Variants in PCDH15 observed in about 807,000 individuals in gnomAD.
PCDH15 encodes the protein protocadherin-15.
A neutral mutation model predicts 178.5 loss-of-function variants in PCDH15; 129 were observed. The observed-to-expected ratio is 0.72, with a 90% CI of 0.63 to 0.84. The LOEUF is 0.84. PCDH15 is among the 40% of genes least tolerant of loss of function. The pLI is 0.00. For synonymous variants in PCDH15, 800 were observed against 732.0 expected (o/e 1.09, Z -1.50); for missense variants, 2,230 against 2,099.9 (o/e 1.06, Z -1.21).
chr10:55,282,255 A>C (rs1029558678), intron 1 of PCDH15, among the ~76,000 whole-genome samples: 1 of 152,210 alleles, frequency 6.6e-6, no homozygotes, highest in African/African-American at 2.4e-5. Flanking sequence ...CCACACACTA[A>C]GCCTTTGCAT....
At chr10:54,015,556 T>C (rs1243814806) in intron 20 of PCDH15, among the ~76,000 whole-genome samples, 1 of 152,072 alleles carries the variant, frequency 6.6e-6, no homozygotes, top group Non-Finnish European at 1.5e-5. Flanking sequence ...AGCAGACATA[T>C]AGACCAATGG....
chr10:54,984,809 C>T (rs187287760), intron 2 of PCDH15, among the ~76,000 whole-genome samples: 3 of 152,326 alleles, frequency 2.0e-5, no homozygotes, highest in Middle Eastern at 3.4e-3. Flanking sequence ...TGCAGTCCAG[C>T]CTGGGCCACA....
At chr10:55,351,659 G>A (rs866508193) in intron 2 of PCDH15, among the ~76,000 whole-genome samples, 9 of 152,008 alleles carry the variant, frequency 5.9e-5, no homozygotes, top group Non-Finnish European at 8.8e-5. Flanking sequence ...CTCTTTGTCT[G>A]AGAAACTCAT....
At chr10:55,452,069 A>T (rs529872993) in intron 2 of PCDH15, among the ~76,000 whole-genome samples, 1 of 152,170 alleles carries the variant, frequency 6.6e-6, no homozygotes, top group Non-Finnish European at 1.5e-5. Context: ...AGAAATAAAG[A>T]GATATTTTTG....
At chr10:54,452,758 A>C (rs1321595948) in intron 3 of PCDH15, among the ~76,000 whole-genome samples, 1 of 152,106 alleles carries the variant, frequency 6.6e-6, no homozygotes, top group Non-Finnish European at 1.5e-5. Flanking sequence ...TGAATTCTTC[A>C]TGAGTCCATC....
At chr10:54,225,131 A>T (rs907943479) in intron 9 of PCDH15, among the ~76,000 whole-genome samples, 1 of 152,084 alleles carries the variant, frequency 6.6e-6, no homozygotes, top group Admixed American at 6.6e-5. Flanking sequence ...TTCTGATTGT[A>T]TAGTTCAGGT....
At chr10:53,942,258 T>C (rs1485245516) in intron 23 of PCDH15, among the ~76,000 whole-genome samples, 1 of 125,196 alleles carries the variant, frequency 8.0e-6, no homozygotes, top group East Asian at 2.0e-4. Flanking sequence ...AATTTACTAG[T>C]TTATTTACTT....
At chr10:54,539,174 A>T (rs2084915467) in intron 2 of PCDH15, among the ~76,000 whole-genome samples, 1 of 152,064 alleles carries the variant, frequency 6.6e-6, no homozygotes, top group Admixed American at 6.6e-5. Flanking sequence ...CCCTACTTAA[A>T]AGGCACAGAG....
intron 2 of PCDH15, among the ~76,000 whole-genome samples, chr10:55,145,109 A>G (rs1263734496): frequency 6.6e-6 from 1 of 152,022 alleles, no homozygotes; most frequent in African/African-American, 2.4e-5. Context: ...ATTTTAACAC[A>G]TTATTCTTTC....
At chr10:54,623,532 T>C (rs2093453617) in intron 2 of PCDH15, among the ~76,000 whole-genome samples, 1 of 152,098 alleles carries the variant, frequency 6.6e-6, no homozygotes, top group East Asian at 1.9e-4. Context: ...TTGGTACTGA[T>C]TGTTATTGTT....
intron 2 of PCDH15, among the ~76,000 whole-genome samples, chr10:54,551,765 T>A (rs2133194140): frequency 6.6e-6 from 1 of 152,192 alleles, no homozygotes; most frequent in African/African-American, 2.4e-5. Context: ...TTTACAATTT[T>A]TTCATTTACA....
At chr10:54,356,307 G>T (rs1589003097) in intron 5 of PCDH15, among the ~76,000 whole-genome samples, 1 of 151,848 alleles carries the variant, frequency 6.6e-6, no homozygotes, top group African/African-American at 2.4e-5. Flanking sequence ...ACACTCCTCT[G>T]GTCCTGAAAA....
chr10:54,244,314 T>A (rs2055703948), intron 8 of PCDH15, among the ~76,000 whole-genome samples: 1 of 152,194 alleles, frequency 6.6e-6, no homozygotes, highest in Non-Finnish European at 1.5e-5. Context: ...TCAAAATACT[T>A]CCTTGAATGT....
intron 1 of PCDH15, among the ~76,000 whole-genome samples, chr10:54,675,617 T>A (rs2094772092): frequency 6.6e-6 from 1 of 152,180 alleles, no homozygotes; most frequent in African/African-American, 2.4e-5. Flanking sequence ...CATGTAAGAC[T>A]TCTCTGACAA....
intron 1 of PCDH15, among the ~76,000 whole-genome samples, chr10:55,250,813 G>A (rs1329804970): frequency 2.0e-5 from 3 of 151,920 alleles, no homozygotes; most frequent in Non-Finnish European, 4.4e-5. Context: ...GGGATTACAG[G>A]TGTGAGTCAC....
intron 3 of PCDH15, among the ~76,000 whole-genome samples, chr10:54,466,015 A>G (rs1250864620): frequency 6.6e-6 from 1 of 151,906 alleles, no homozygotes; most frequent in Admixed American, 6.6e-5. Context: ...ATTTTTTCAT[A>G]TATATGTAGG....
chr10:54,474,721 C>T (rs1426679060), intron 3 of PCDH15, among the ~76,000 whole-genome samples: 1 of 151,904 alleles, frequency 6.6e-6, no homozygotes, highest in Non-Finnish European at 1.5e-5. Flanking sequence ...AAAACATAAA[C>T]CTCTCTGAAG....
chr10:54,059,916 T>G (rs914427849), intron 18 of PCDH15, among the ~76,000 whole-genome samples: 1 of 152,234 alleles, frequency 6.6e-6, no homozygotes, highest in Non-Finnish European at 1.5e-5. Context: ...TAGTCATTAT[T>G]ACTGATTTTT....
At chr10:55,348,393 T>G (rs1462683033) in intron 2 of PCDH15, among the ~76,000 whole-genome samples, 1 of 151,922 alleles carries the variant, frequency 6.6e-6, no homozygotes, top group East Asian at 1.9e-4. Flanking sequence ...TCCTGTGCTT[T>G]CTTTCATTCA....
Sources: gnomAD v4.1 joint callset for allele counts (sites outside exome capture counted in the v4.1 genomes callset) on GRCh38, gnomAD v4.1.1 for gene constraint, MANE v1.5 for transcripts, NCBI Gene and HGNC (gene_info 2026-07-23, HGNC 2026-07-21) for gene names.